ZNF480: variants seen among roughly 807,000 people sequenced by gnomAD.
ZNF480 encodes zinc finger protein 480.
A neutral mutation model predicts 14.4 loss-of-function variants in ZNF480; 15 were observed. The ratio of observed to expected loss-of-function variants is 1.04; its 90% confidence interval spans 0.70 to 1.60. ZNF480 has a LOEUF of 1.60. Ranked by LOEUF, ZNF480 falls within the 40% of genes most tolerant of loss-of-function variation. The pLI is 0.00. For missense variants in ZNF480, 593 were observed against 629.7 expected, an observed-to-expected ratio of 0.94 and a Z score of 0.62; for synonymous variants, 218 against 215.5, an observed-to-expected ratio of 1.01 and a Z score of -0.10.
At chr19:52,314,816 A>G (rs1159139290) in intron 3 of ZNF480, among the ~76,000 whole-genome samples, 1 of 132,370 alleles carries the variant, frequency 7.6e-6, no homozygotes, top group Non-Finnish European at 1.8e-5. Flanking sequence ...TTAAAAAAAC[A>G]AACAAACAAA....
chr19:52,314,356 G>C lies in ZNF480; in HGVS notation c.199+77G>C. 4 of 1,345,546 alleles carry C rather than the reference G, an allele frequency of 3.0e-6. No homozygotes were observed. The Admixed American group carries it at 1.0e-4, about 34-fold the overall frequency. The allele number at this position is 1,345,546 out of a possible 1,614,324, so 83.4% of individuals were successfully genotyped here. ...ATTTTCCCTTGTGTGCCTCCTGGGA[G>C]CCCCTGCATTGTTTGACTGACATTA... On this transcript the variant is annotated intron_variant, in intron 3 of 4. Transcript: ENST00000595962.
Position 52,300,406 on chromosome 19 carries a change from A to G in ZNF480, c.-7A>G, listed in dbSNP as rs1982628366. On this transcript the variant is annotated 5_prime_UTR_variant, in exon 2 of 5. Transcript: ENST00000595962. ...TTTTGACATTTAGGATTGACTTCTA[A>G]AGAGTCATGCTGTGTGATGAAAAAG... The G allele has an allele frequency of 1.3e-6, 2 of 1,555,080 alleles. No individual in the cohort carries two copies. Among genetic ancestry groups the G allele is most frequent in the Non-Finnish European group, 1.7e-6 (2 of 1,146,810 alleles).
intron 1 of ZNF480, among the ~76,000 whole-genome samples, chr19:52,297,504 C>G (rs994942163): frequency 2.6e-5 from 4 of 152,052 alleles, no homozygotes; most frequent in African/African-American, 9.7e-5. Flanking sequence ...ACATCCGCCC[C>G]GCACAGCGTA....
At chr19:52,305,347 T>C (rs767084505) in intron 2 of ZNF480, among the ~76,000 whole-genome samples, 1 of 152,134 alleles carries the variant, frequency 6.6e-6, no homozygotes, top group Non-Finnish European at 1.5e-5. Context: ...ATTTCACAGG[T>C]AGGATGTTTA....
chr19:52,302,046 C>A, intron 2 of ZNF480: 1 of 207,038 alleles, frequency 4.8e-6, no homozygotes, highest in Non-Finnish European at 9.6e-6. Flanking sequence ...TCCTCGGGTT[C>A]CTCCCAAAAT....
chr19:52,300,503 T>C lies in ZNF480; in HGVS notation c.72+19T>C. ...TCCTCAGGTGAGATGATATTCTCGGTGGATTGTTCTGTCTCCTTTCTTTCA... is the reference window on the plus strand; with the variant it reads ...TCCTCAGGTGAGATGATATTCTCGGCGGATTGTTCTGTCTCCTTTCTTTCA... On this transcript the variant is annotated intron_variant, in intron 2 of 4. Coordinates refer to ENST00000595962, the MANE Select transcript of ZNF480 (RefSeq NM_144684.4). The C allele has an allele frequency of 6.2e-7, 1 of 1,608,840 alleles. No individual in the cohort carries two copies.
intron 4 of ZNF480, among the ~76,000 whole-genome samples, chr19:52,319,815 T>TG (rs1487562717): frequency 2.1e-5 from 2 of 96,110 alleles, no homozygotes; most frequent in African/African-American, 6.8e-5. Context: ...TACTGTGTTT[T>TG]TTTTTTTTTT....
rs926522333 is a variant in ZNF480, at chr19:52,323,325, A to G, written c.*467A>G. On this transcript the variant is annotated 3_prime_UTR_variant, in exon 5 of 5. Coordinates refer to ENST00000595962, the MANE Select transcript of ZNF480 (RefSeq NM_144684.4). Reference sequence around the variant, plus strand: ...TAATCACTAATTAAAAATCTATCAAACAAAACTCTGGACCAGACAGATTTA... The same window carrying G: ...TAATCACTAATTAAAAATCTATCAAGCAAAACTCTGGACCAGACAGATTTA... 3 of 152,436 alleles carry G rather than the reference A, an allele frequency of 2.0e-5. No individual in the cohort carries two copies. Among genetic ancestry groups the G allele is most frequent in the African/African-American group, 7.3e-5 (3 of 41,364 alleles). 9.4% of individuals were successfully genotyped at this position (152,436 alleles called of 1,614,324 possible). A position where few individuals can be genotyped will look rare whatever the true frequency, so the allele number is the denominator to read the frequency against.
chr19:52,323,148 G>A lies in ZNF480; in HGVS notation c.*290G>A, dbSNP rs932607761. The A allele has an allele frequency of 6.7e-5, 19 of 282,392 alleles. No individual in the cohort carries two copies. The East Asian group carries it at 8.3e-4, about 12-fold the overall frequency. 17.5% of individuals were successfully genotyped at this position (282,392 alleles called of 1,614,324 possible). On this transcript the variant is annotated 3_prime_UTR_variant, in exon 5 of 5. Coordinates refer to ENST00000595962, the MANE Select transcript of ZNF480 (RefSeq NM_144684.4). The stretch of plus-strand genomic sequence containing the variant: ...ATTACCACCAACCCCACAGAAATAC[G>A]AAAAACCCTCAAAGATTACTATAAA...
intron 2 of ZNF480, among the ~76,000 whole-genome samples, chr19:52,311,376 C>T (rs1425678881): frequency 6.6e-6 from 1 of 151,964 alleles, no homozygotes; most frequent in Non-Finnish European, 1.5e-5. Flanking sequence ...TGGGATCTTT[C>T]TATGTTGCCC....
rs557469337 is a variant in ZNF480, at chr19:52,316,009, T to A, written c.328+47T>A. ...GTGGAAGCCATGCTGTTGTTTGGGC[T>A]TTTTTTTTGTTTTGTTTTGTCTAGT... On this transcript the variant is annotated intron_variant, in intron 4 of 4. Coordinates refer to ENST00000595962, the MANE Select transcript of ZNF480 (RefSeq NM_144684.4). 119 of 1,427,452 alleles carry A rather than the reference T, an allele frequency of 8.3e-5. 1 individual carries two copies. The South Asian group carries it at 1.7e-3, about 21-fold the overall frequency. 88.4% of individuals were successfully genotyped at this position (1,427,452 alleles called of 1,614,324 possible).
intron 4 of ZNF480, among the ~76,000 whole-genome samples, chr19:52,319,717 ATGT>A (rs149248205): frequency 0.05 from 7,406 of 147,374 alleles, 242 homozygotes; most frequent in Non-Finnish European, 0.076. Context: ...AATAATTTGT[ATGT>A]TGTTGTGCTT....
chr19:52,304,960 A>G (rs1450438478), intron 2 of ZNF480, among the ~76,000 whole-genome samples: 2 of 151,984 alleles, frequency 1.3e-5, no homozygotes, highest in African/African-American at 2.4e-5. Context: ...TTAGCCGGGC[A>G]TGGTGGTGGG....
In ZNF480 at chr19:52,323,751, A is replaced by G. The variant is rs946028134; in HGVS notation, c.*893A>G. ...GCAGAAAGGTTTTTAATAAAATTCA[A>G]CATCCCTTCATTTTAAAAACCCTCA... On this transcript the variant is annotated 3_prime_UTR_variant, in exon 5 of 5. Coordinates refer to ENST00000595962, the MANE Select transcript of ZNF480 (RefSeq NM_144684.4). 1 of 152,228 alleles carries G rather than the reference A, an allele frequency of 6.6e-6. No homozygotes were observed. Among genetic ancestry groups the G allele is most frequent in the African/African-American group, 2.4e-5 (1 of 41,476 alleles). 9.4% of individuals were successfully genotyped at this position (152,228 alleles called of 1,614,324 possible).
rs1984022353 is a variant in ZNF480 at position 52,324,934 on chromosome 19, A to G, written c.*2076A>G. 1 of 152,242 alleles carries G rather than the reference A, an allele frequency of 6.6e-6. No individual in the cohort carries two copies. The highest frequency in any genetic ancestry group is 2.4e-5 in the African/African-American group (1 of 41,466). 9.4% of individuals were successfully genotyped at this position (152,242 alleles called of 1,614,324 possible). A position where few individuals can be genotyped will look rare whatever the true frequency, so the allele number is the denominator to read the frequency against. The stretch of plus-strand genomic sequence containing the variant: ...ACAAAAACAAAAATTGACAAGTGGG[A>G]CCTAATTAAACTAAATAACTTCTGC... On this transcript the variant is annotated 3_prime_UTR_variant, in exon 5 of 5. Coordinates refer to ENST00000595962, the MANE Select transcript of ZNF480 (RefSeq NM_144684.4).
At chr19:52,321,068 C>G (rs1600222152) in intron 4 of ZNF480, among the ~76,000 whole-genome samples, 1 of 147,476 alleles carries the variant, frequency 6.8e-6, no homozygotes, top group East Asian at 2.1e-4. Context: ...AGCCATATTT[C>G]TCTTTCCTTT....
chr19:52,297,673 C>G (rs942598905), intron 1 of ZNF480: 1 of 161,146 alleles, frequency 6.2e-6, no homozygotes, highest in Non-Finnish European at 1.4e-5. Context: ...GATCCAGACC[C>G]TACCTTTACC....
At chr19:52,316,562 A>T (rs12978395) in intron 4 of ZNF480, among the ~76,000 whole-genome samples, 4,094 of 152,150 alleles carry the variant, frequency 0.027, 79 homozygotes, top group Non-Finnish European at 0.042. Flanking sequence ...GGGTCTTGCT[A>T]TGTTGATTTT....
At chr19:52,311,593 T>C (rs537836172) in intron 2 of ZNF480, among the ~76,000 whole-genome samples, 3 of 152,328 alleles carry the variant, frequency 2.0e-5, no homozygotes, top group Admixed American at 6.5e-5. Flanking sequence ...ATAAACTCAA[T>C]TGAGTACAAT....
Sources: gnomAD v4.1 joint callset for allele counts (sites outside exome capture counted in the v4.1 genomes callset) on GRCh38, gnomAD v4.1.1 for gene constraint, MANE v1.5 for transcripts, NCBI Gene and HGNC (gene_info 2026-07-23, HGNC 2026-07-21) for gene names.